TTC29: variants seen among roughly 807,000 people sequenced by gnomAD.
TTC29 encodes tetratricopeptide repeat protein 29.
A neutral mutation model predicts 58.1 loss-of-function variants in TTC29; 49 were observed. That is an observed-to-expected ratio of 0.84 (90% CI 0.67 to 1.07). The LOEUF (loss-of-function observed/expected upper bound fraction) is 1.07. Among genes scored for constraint, TTC29 ranks in the 50% least tolerant of loss-of-function variants. The pLI is 0.00. For missense variants in TTC29, 582 were observed against 555.6 expected (o/e 1.05, Z -0.48); for synonymous variants, 209 against 196.8 (o/e 1.06, Z -0.52).
chr4:146,814,937 T>C (rs574795373), intron 10 of TTC29, among the ~76,000 whole-genome samples: 2 of 152,036 alleles, frequency 1.3e-5, no homozygotes, highest in South Asian at 2.1e-4. Context: ...CTTAAAGAAC[T>C]CCAAGAATGT....
At chr4:146,745,749 T>C (rs532702873) in intron 11 of TTC29, among the ~76,000 whole-genome samples, 3 of 152,332 alleles carry the variant, frequency 2.0e-5, no homozygotes, top group East Asian at 3.9e-4. Context: ...TATAATAGCA[T>C]AGTCAATTGT....
intron 11 of TTC29, among the ~76,000 whole-genome samples, chr4:146,786,594 C>T (rs530018174): frequency 1.3e-5 from 2 of 152,214 alleles, no homozygotes; most frequent in East Asian, 3.9e-4. Context: ...GCTCCGAAAT[C>T]GTAATTGGTT....
At chr4:146,893,142 G>A (rs1283998294) in intron 6 of TTC29, among the ~76,000 whole-genome samples, 4 of 152,126 alleles carry the variant, frequency 2.6e-5, no homozygotes, top group Non-Finnish European at 5.9e-5. Context: ...TCCCCATCAA[G>A]CTACCAAGGA....
intron 4 of TTC29, among the ~76,000 whole-genome samples, chr4:146,912,141 T>A (rs1017620046): frequency 4.9e-4 from 75 of 152,276 alleles, no homozygotes; most frequent in African/African-American, 1.7e-3. Context: ...ATAGCCTTTT[T>A]AAGAAAGTTT....
chr4:146,836,717 G>A (rs1028884073), intron 8 of TTC29, among the ~76,000 whole-genome samples: 1 of 152,052 alleles, frequency 6.6e-6, no homozygotes, highest in Non-Finnish European at 1.5e-5. Context: ...AAGATGACAT[G>A]CATGTTGCCA....
chr4:146,855,668 T>C (rs1729797432), intron 8 of TTC29, among the ~76,000 whole-genome samples: 1 of 152,224 alleles, frequency 6.6e-6, no homozygotes, highest in African/African-American at 2.4e-5. Context: ...CCAATTATAC[T>C]GTATAATTTC....
At chr4:146,771,155 A>G (rs1445111844) in intron 11 of TTC29, among the ~76,000 whole-genome samples, 1 of 152,100 alleles carries the variant, frequency 6.6e-6, no homozygotes, top group African/African-American at 2.4e-5. Flanking sequence ...ATATGCCCAG[A>G]AGCAGAGAGC....
intron 11 of TTC29, among the ~76,000 whole-genome samples, chr4:146,794,794 T>TA (rs1358927521): frequency 1.3e-5 from 2 of 152,062 alleles, no homozygotes; most frequent in African/African-American, 4.8e-5. Flanking sequence ...AGCCTTTTTT[T>TA]AAAAAAATTT....
intron 2 of TTC29, among the ~76,000 whole-genome samples, chr4:146,944,533 C>G (rs1236385663): frequency 1.3e-5 from 2 of 152,102 alleles, no homozygotes; most frequent in African/African-American, 2.4e-5. Context: ...GGAGGGAGAC[C>G]TACTACTATG....
chr4:146,929,281 G>C (rs540891713), intron 4 of TTC29, among the ~76,000 whole-genome samples: 2 of 152,236 alleles, frequency 1.3e-5, no homozygotes, highest in South Asian at 4.2e-4. Flanking sequence ...GCTTTGTTAT[G>C]AATTCTGTTA....
chr4:146,867,331 T>G (rs1730627948), intron 8 of TTC29, among the ~76,000 whole-genome samples, 167 bp downstream of exon 8: 1 of 152,180 alleles, frequency 6.6e-6, no homozygotes, highest in Admixed American at 6.6e-5. Flanking sequence ...TAAAACCGAT[T>G]TTTAAAATGC....
At chr4:146,758,304 A>G (rs555844136) in intron 11 of TTC29, among the ~76,000 whole-genome samples, 1 of 152,268 alleles carries the variant, frequency 6.6e-6, no homozygotes, top group Admixed American at 6.5e-5. Context: ...TTCTAAACAT[A>G]TATGCACCTA....
chr4:146,755,695 T>C (rs1746389120), intron 11 of TTC29, among the ~76,000 whole-genome samples: 1 of 135,814 alleles, frequency 7.4e-6, no homozygotes, highest in Non-Finnish European at 1.5e-5. Context: ...TTTTTTTAAC[T>C]ATATATATAT....
chr4:146,732,536 G>C (rs1438857475), intron 11 of TTC29, among the ~76,000 whole-genome samples: 2 of 152,114 alleles, frequency 1.3e-5, no homozygotes, highest in Non-Finnish European at 2.9e-5. Context: ...CTTAAAATTG[G>C]CTTTGTGGAG....
intron 11 of TTC29, among the ~76,000 whole-genome samples, chr4:146,778,976 CAAAAAAAAAA>C (rs369374851): frequency 3.9e-4 from 11 of 28,542 alleles, no homozygotes; most frequent in East Asian, 1.3e-3. Context: ...CCTAAATAAG[CAAAAAAAAAA>C]AAAAAAAAAA....
In TTC29 at chr4:146,707,199, A is replaced by G. The variant is rs763381803; in HGVS notation, c.1398-11T>C. 6.8e-7 allele frequency: 1 copy of G among 1,470,196 alleles called. No individual in the cohort carries two copies. The highest frequency in any genetic ancestry group is 2.2e-5 in the Admixed American group (1 of 45,086). The allele number at this position is 1,470,196 out of a possible 1,614,324, so 91.1% of individuals were successfully genotyped here. On this transcript the variant is annotated splice_polypyrimidine_tract_variant and intron_variant, in intron 12 of 12. Coordinates refer to ENST00000325106, the MANE Select transcript of TTC29 (RefSeq NM_031956.4). ...TGATCACCTGGAAACCTGAAATAAA[A>G]TAAATTATAAATTTAACTTTTATAC...
chr4:146,809,966 A>G (rs936399601), intron 10 of TTC29, among the ~76,000 whole-genome samples: 3 of 152,138 alleles, frequency 2.0e-5, no homozygotes, highest in Non-Finnish European at 4.4e-5. Context: ...ATGGACACAT[A>G]TGTTTATTGC....
chr4:146,781,634 G>T (rs961391403), intron 11 of TTC29, among the ~76,000 whole-genome samples: 2 of 151,918 alleles, frequency 1.3e-5, no homozygotes, highest in African/African-American at 4.8e-5. Context: ...CTCACTATAT[G>T]TTGAGGTCAG....
intron 4 of TTC29, among the ~76,000 whole-genome samples, chr4:146,921,466 T>C (rs529489826): frequency 6.6e-6 from 1 of 151,358 alleles, no homozygotes; most frequent in Admixed American, 6.6e-5. Flanking sequence ...CAAGAATATT[T>C]TTCTTTTGTA....
Sources: allele counts gnomAD v4.1 joint callset (sites outside exome capture counted in the v4.1 genomes callset), GRCh38; gene constraint gnomAD v4.1.1; transcripts MANE v1.5; gene names NCBI Gene and HGNC (gene_info 2026-07-23, HGNC 2026-07-21).